GRIK1: variants seen among roughly 807,000 people sequenced by gnomAD.
GRIK1 encodes the protein glutamate receptor ionotropic, kainate 1.
GRIK1 carries 69 observed loss-of-function variants against 105.7 expected under a neutral mutation model. The ratio of observed to expected loss-of-function variants is 0.65; its 90% CI spans 0.54 to 0.80. The LOEUF is 0.80. GRIK1 is among the 30% of genes least tolerant of loss of function. GRIK1 has a pLI of 0.00. For synonymous variants in GRIK1, 438 were observed against 431.3 expected, an observed-to-expected ratio of 1.02 and a Z score of -0.19; for missense variants, 1,109 against 1,167.3, an observed-to-expected ratio of 0.95 and a Z score of 0.73.
intron 7 of GRIK1, among the ~76,000 whole-genome samples, chr21:29,629,620 G>C (rs2062217261): frequency 6.6e-6 from 1 of 151,950 alleles, no homozygotes; most frequent in African/African-American, 2.4e-5. Flanking sequence ...ATCCGGAGTA[G>C]CTGGGACTAG....
chr21:29,920,234 C>A (rs1276181727), intron 1 of GRIK1, among the ~76,000 whole-genome samples: 1 of 151,968 alleles, frequency 6.6e-6, no homozygotes, highest in African/African-American at 2.4e-5. Flanking sequence ...ATAACTAGTT[C>A]TACATTGTAA....
chr21:29,699,070 C>T (rs2063765052), intron 1 of GRIK1, among the ~76,000 whole-genome samples: 1 of 152,324 alleles, frequency 6.6e-6, no homozygotes, highest in Admixed American at 6.5e-5. Flanking sequence ...GTCTGTCCTT[C>T]ATACTCTGTG....
intron 7 of GRIK1, among the ~76,000 whole-genome samples, chr21:29,603,701 G>A (rs1298995266): frequency 6.6e-6 from 1 of 152,176 alleles, no homozygotes; most frequent in African/African-American, 2.4e-5. Flanking sequence ...TTAAACGAGA[G>A]CCATGAAATA....
intron 1 of GRIK1, among the ~76,000 whole-genome samples, chr21:29,800,216 T>G (rs1363569541): frequency 6.6e-6 from 1 of 152,188 alleles, no homozygotes; most frequent in Non-Finnish European, 1.5e-5. Flanking sequence ...GCACTGGCCC[T>G]TTAGCTGCTC....
chr21:29,827,687 T>A (rs2067499977), intron 1 of GRIK1, among the ~76,000 whole-genome samples: 1 of 152,014 alleles, frequency 6.6e-6, no homozygotes, highest in South Asian at 2.1e-4. Context: ...ATCTAAAAAA[T>A]GTGTCTGGTA....
chr21:29,899,094 AATG>A (rs1254190909), intron 1 of GRIK1, among the ~76,000 whole-genome samples: 1 of 152,216 alleles, frequency 6.6e-6, no homozygotes, highest in Non-Finnish European at 1.5e-5. Context: ...CTTCTTTTTA[AATG>A]ATTTACCAAA....
chr21:29,760,953 G>A (rs1329579032), intron 1 of GRIK1, among the ~76,000 whole-genome samples: 2 of 152,158 alleles, frequency 1.3e-5, no homozygotes, highest in Non-Finnish European at 2.9e-5. Context: ...GGACTGCAAA[G>A]GAAGAATTTC....
intron 7 of GRIK1, among the ~76,000 whole-genome samples, chr21:29,639,674 G>A (rs990791864): frequency 2.6e-5 from 4 of 152,172 alleles, no homozygotes; most frequent in African/African-American, 9.7e-5. Flanking sequence ...CTTTAATGAA[G>A]CGTGTCAATC....
At chr21:29,598,110 T>C (rs1462447657) in intron 8 of GRIK1, among the ~76,000 whole-genome samples, 1 of 152,222 alleles carries the variant, frequency 6.6e-6, no homozygotes, top group Non-Finnish European at 1.5e-5. Context: ...AAACTGTAAG[T>C]GTTAATTCTG....
chr21:29,591,257 G>A (rs1290965102), intron 9 of GRIK1, 32 bp from the exon 10 acceptor site: 10 of 1,257,464 alleles, frequency 8.0e-6, no homozygotes, highest in Non-Finnish European at 1.2e-5. Context: ...AGAGGCTGCT[G>A]GCTGTCAGTG....
At chr21:29,851,623 T>C (rs1247422995) in intron 1 of GRIK1, among the ~76,000 whole-genome samples, 3 of 152,142 alleles carry the variant, frequency 2.0e-5, no homozygotes, top group Non-Finnish European at 4.4e-5. Context: ...TGATCACAGT[T>C]CCTCTTCTGC....
At chr21:29,746,637 A>G (rs1250618936) in intron 1 of GRIK1, among the ~76,000 whole-genome samples, 1 of 152,252 alleles carries the variant, frequency 6.6e-6, no homozygotes, top group Non-Finnish European at 1.5e-5. Context: ...TAAAGTGACT[A>G]TGAGAAAAAG....
At chr21:29,581,949 A>G (rs541877923) in intron 12 of GRIK1, among the ~76,000 whole-genome samples, 1 of 152,276 alleles carries the variant, frequency 6.6e-6, no homozygotes, top group East Asian at 1.9e-4. Flanking sequence ...ATGTCAAGAT[A>G]TTGTGTCGTT....
At chr21:29,768,525 T>A (rs2065732037) in intron 1 of GRIK1, among the ~76,000 whole-genome samples, 1 of 152,178 alleles carries the variant, frequency 6.6e-6, no homozygotes, top group African/African-American at 2.4e-5. Context: ...GTCTCAGAAC[T>A]GTCCACCCAG....
At chr21:29,911,810 T>C (rs1380922011) in intron 1 of GRIK1, among the ~76,000 whole-genome samples, 1 of 152,112 alleles carries the variant, frequency 6.6e-6, no homozygotes, top group Admixed American at 6.6e-5. Flanking sequence ...AGTTTCTGCC[T>C]GAGCCTTGAT....
intron 1 of GRIK1, among the ~76,000 whole-genome samples, chr21:29,827,974 G>GGTCTCTCTCT (rs1569136953): frequency 3.6e-5 from 4 of 111,306 alleles, no homozygotes; most frequent in African/African-American, 1.2e-4. Context: ...ATATAGTTAG[G>GGTCTCTCTCT]ATCTCTCTCT....
At chr21:29,772,553 C>A (rs1482042861) in intron 1 of GRIK1, among the ~76,000 whole-genome samples, 1 of 152,128 alleles carries the variant, frequency 6.6e-6, no homozygotes, top group Non-Finnish European at 1.5e-5. Context: ...TCTTTCATAT[C>A]CTTTTGGAGA....
intron 12 of GRIK1, among the ~76,000 whole-genome samples, chr21:29,584,517 GT>G (rs2091090527): frequency 6.6e-6 from 1 of 152,290 alleles, no homozygotes; most frequent in African/African-American, 2.4e-5. Context: ...TTAATTAAAA[GT>G]CATAGTAATT....
chr21:29,929,322 C>G (rs574014774), intron 1 of GRIK1, among the ~76,000 whole-genome samples: 7 of 152,282 alleles, frequency 4.6e-5, no homozygotes, highest in Admixed American at 1.3e-4. Context: ...TCTACAAAAT[C>G]TTATCCTTAA....
Sources: allele counts gnomAD v4.1 joint callset (sites outside exome capture counted in the v4.1 genomes callset), GRCh38; gene constraint gnomAD v4.1.1; transcripts MANE v1.5; gene names NCBI Gene and HGNC (gene_info 2026-07-23, HGNC 2026-07-21).